SNX24: variants seen among roughly 807,000 people sequenced by gnomAD.
SNX24 encodes the protein sorting nexin 24.
Under a neutral mutation model 28.7 loss-of-function variants are expected in SNX24, and 22 were observed. That is an observed-to-expected ratio of 0.77 (90% CI 0.55 to 1.10). SNX24 has a LOEUF of 1.10. Ranked by LOEUF, SNX24 falls within the 50% of genes least tolerant of loss-of-function variation. SNX24 has a pLI of 0.00. For synonymous variants in SNX24, 69 were observed against 71.5 expected (o/e 0.96, Z 0.18); for missense variants, 221 against 201.1 (o/e 1.10, Z -0.60).
At chr5:123,020,512 G>T (rs757583266) in intron 5 of SNX24, among the ~76,000 whole-genome samples, 1 of 152,104 alleles carries the variant, frequency 6.6e-6, no homozygotes, top group African/African-American at 2.4e-5. Flanking sequence ...TCTATTATGG[G>T]ATGTGTGTTT....
chr5:122,923,601 G>A (rs1003429232), intron 1 of SNX24, among the ~76,000 whole-genome samples: 1 of 152,160 alleles, frequency 6.6e-6, no homozygotes, highest in South Asian at 2.1e-4. Context: ...GGACACAGAG[G>A]TTGTCCCTCT....
At chr5:123,000,457 A>G (rs1278377054) in intron 4 of SNX24, among the ~76,000 whole-genome samples, 6 of 152,214 alleles carry the variant, frequency 3.9e-5, no homozygotes. Flanking sequence ...AGACACAGGA[A>G]TTTAATGACT....
intron 1 of SNX24, among the ~76,000 whole-genome samples, chr5:122,910,870 G>A (rs1757854803): frequency 2.0e-5 from 3 of 151,978 alleles, no homozygotes; most frequent in African/African-American, 4.8e-5. Context: ...GTGTATCGTT[G>A]TTGGACATTT....
At chr5:122,847,914 T>C (rs1347867053) in intron 1 of SNX24, among the ~76,000 whole-genome samples, 5 of 152,158 alleles carry the variant, frequency 3.3e-5, no homozygotes, top group Non-Finnish European at 7.4e-5. Context: ...TCAACAAATA[T>C]TTACTGAGTG....
At chr5:122,959,896 G>A (rs1354093199) in intron 3 of SNX24, among the ~76,000 whole-genome samples, 1 of 152,106 alleles carries the variant, frequency 6.6e-6, no homozygotes, top group African/African-American at 2.4e-5. Context: ...TTAATGACAT[G>A]GGGTTTACTA....
chr5:123,003,794 A>G (rs1345802858), intron 6 of SNX24, among the ~76,000 whole-genome samples: 2 of 152,212 alleles, frequency 1.3e-5, no homozygotes, highest in African/African-American at 4.8e-5. Flanking sequence ...CATTGGTAGC[A>G]TGGTAATATG....
intron 1 of SNX24, among the ~76,000 whole-genome samples, chr5:122,888,650 T>C (rs977779481): frequency 2.0e-5 from 3 of 152,182 alleles, no homozygotes; most frequent in Non-Finnish European, 4.4e-5. Context: ...TACTTTCTGC[T>C]GCCTCCGATA....
chr5:122,867,688 A>C (rs1014966680), intron 1 of SNX24, among the ~76,000 whole-genome samples: 3 of 152,162 alleles, frequency 2.0e-5, no homozygotes, highest in South Asian at 2.1e-4. Flanking sequence ...GCACAGAAGG[A>C]GTCATTTTAT....
At chr5:122,886,209 T>C (rs1348279368) in intron 1 of SNX24, among the ~76,000 whole-genome samples, 1 of 152,202 alleles carries the variant, frequency 6.6e-6, no homozygotes, top group Non-Finnish European at 1.5e-5. Context: ...TACAATTGAT[T>C]CTTGACAGTG....
chr5:122,871,324 G>A (rs1755967964), intron 1 of SNX24, among the ~76,000 whole-genome samples: 2 of 152,176 alleles, frequency 1.3e-5, no homozygotes, highest in African/African-American at 4.8e-5. Context: ...AGGGTAGATA[G>A]CTTCCCTGTT....
chr5:122,903,394 A>T (rs1385129581), intron 1 of SNX24, among the ~76,000 whole-genome samples: 1 of 152,184 alleles, frequency 6.6e-6, no homozygotes, highest in Admixed American at 6.6e-5. Context: ...TACAGGCCTG[A>T]GCCAGCCACA....
intron 5 of SNX24, chr5:123,024,109 G>C: frequency 7.7e-7 from 1 of 1,304,722 alleles, no homozygotes; most frequent in Non-Finnish European, 1.0e-6. Context: ...AAGGAAATAA[G>C]GTTGGTTGGT....
chr5:122,936,075 A>T, intron 1 of SNX24, among the ~76,000 whole-genome samples: 1 of 152,184 alleles, frequency 6.6e-6, no homozygotes, highest in East Asian at 1.9e-4. Flanking sequence ...AGAAAATGTC[A>T]TGTTAGTGCC....
chr5:122,948,299 C>G (rs1759779188), intron 3 of SNX24, among the ~76,000 whole-genome samples: 1 of 152,106 alleles, frequency 6.6e-6, no homozygotes, highest in Non-Finnish European at 1.5e-5. Context: ...GCTTACATTA[C>G]ACCAGCTAGA....
intron 3 of SNX24, among the ~76,000 whole-genome samples, chr5:122,977,309 C>A (rs998323559): frequency 3.3e-5 from 5 of 152,110 alleles, no homozygotes; most frequent in African/African-American, 1.2e-4. Context: ...CCCAATCTAT[C>A]AACCCTCTCT....
At chr5:122,855,665 C>T (rs1323888726) in intron 1 of SNX24, among the ~76,000 whole-genome samples, 1 of 152,192 alleles carries the variant, frequency 6.6e-6, no homozygotes, top group Non-Finnish European at 1.5e-5. Flanking sequence ...GCTGCTTTAT[C>T]AGCTAAGTCT....
intron 1 of SNX24, among the ~76,000 whole-genome samples, chr5:122,905,702 G>A (rs930743429): frequency 6.6e-6 from 1 of 152,184 alleles, no homozygotes; most frequent in Non-Finnish European, 1.5e-5. Context: ...AACTTCCTGA[G>A]CACTAGTTCA....
At position 122,858,661 on chromosome 5, in the gene SNX24, C is replaced by T. The variant is rs144512001; in HGVS notation, c.60+12968C>T. ...GTTTATGAGTGTATATCCTCCCTCA[C>T]AAGCTTGCCAACTGAGTGTTCTCAG... is the stretch of plus-strand genomic sequence containing the variant. On this transcript the variant is annotated intron_variant, in intron 1 of 6. Coordinates refer to ENST00000261369, the MANE Select transcript of SNX24 (RefSeq NM_014035.4). Among the ~76,000 whole-genome samples the T allele has an allele frequency of 9.2e-3, 1,400 of 152,350 alleles. 15 individuals are homozygous for T. The highest frequency in any genetic ancestry group is 0.014 in the Non-Finnish European group (982 of 68,034).
intron 1 of SNX24, among the ~76,000 whole-genome samples, chr5:122,882,481 G>C (rs766262805): frequency 2.6e-5 from 4 of 152,258 alleles, no homozygotes; most frequent in Non-Finnish European, 5.9e-5. Context: ...GTGTCAGCCA[G>C]ATTCTGGATA....
Sources: gnomAD v4.1 joint callset for allele counts (sites outside exome capture counted in the v4.1 genomes callset) on GRCh38, gnomAD v4.1.1 for gene constraint, MANE v1.5 for transcripts, NCBI Gene and HGNC (gene_info 2026-07-23, HGNC 2026-07-21) for gene names.